The following ZNF451 variants were observed in gnomAD, a reference collection of about 807,000 sequenced individuals.
The protein encoded by ZNF451 is E3 SUMO-protein ligase ZNF451.
ZNF451 carries 80 observed loss-of-function variants against 107.1 expected under a neutral mutation model. The observed-to-expected ratio is 0.75, with a 90% confidence interval of 0.62 to 0.90. ZNF451 has a LOEUF of 0.90. ZNF451 is among the 40% of genes least tolerant of loss of function. The pLI is 0.00. For missense variants in ZNF451, 1,107 were observed against 1,236.2 expected, an observed-to-expected ratio of 0.90 and a Z score of 1.57; for synonymous variants, 362 against 406.5, an observed-to-expected ratio of 0.89 and a Z score of 1.32.
chr6:57,152,885 C>T (rs777655857), intron 12 of ZNF451, among the ~76,000 whole-genome samples: 10 of 152,130 alleles, frequency 6.6e-5, no homozygotes, highest in Non-Finnish European at 1.3e-4. Flanking sequence ...TGAGCCACTG[C>T]GCCCTGCTGA....
intron 7 of ZNF451, among the ~76,000 whole-genome samples, chr6:57,138,729 A>ATG (rs1168633668): frequency 5.1e-4 from 58 of 113,994 alleles, no homozygotes; most frequent in Non-Finnish European, 7.1e-4. Context: ...ATATATATAT[A>ATG]TATATATATA....
chr6:57,150,916 G>C (rs749467958), intron 11 of ZNF451, 54 bp downstream of exon 11: 1 of 1,603,486 alleles, frequency 6.2e-7, no homozygotes. Context: ...TTAGAATATA[G>C]TTCAGTTTAA....
chr6:57,156,235 A>G (rs945875948), intron 13 of ZNF451, among the ~76,000 whole-genome samples: 5 of 152,184 alleles, frequency 3.3e-5, no homozygotes, highest in African/African-American at 1.2e-4. Context: ...ATTTAAGACC[A>G]AATTTTTTCT....
At chr6:57,100,582 T>C (rs1829544640) in intron 3 of ZNF451, 1 of 1,463,084 alleles carries the variant, frequency 6.8e-7, no homozygotes, top group Admixed American at 2.9e-5. Flanking sequence ...CTTGGTTTTC[T>C]TGTTCATGTG....
rs746232960 is a variant in ZNF451, at chr6:57,147,238, G to A, written c.1153G>A (p.Gly385Arg). The A allele has an allele frequency of 6.2e-7, 1 of 1,613,990 alleles. No individual in the cohort carries two copies. The highest frequency in any genetic ancestry group is 8.5e-7 in the Non-Finnish European group (1 of 1,179,954). Reference protein sequence around the residue: ...TSTQNHKQNSGHKVRVINSVE... With the variant: ...TSTQNHKQNSRHKVRVINSVE... Reference sequence around the variant, plus strand: ...CACCCAAAATCATAAGCAGAATTCAGGACACAAAGTCCGAGTCATTAACTC... The same window carrying A: ...CACCCAAAATCATAAGCAGAATTCAAGACACAAAGTCCGAGTCATTAACTC... The change falls in exon 10 of 15, where the codon GGA becomes AGA. Residue 385 changes from glycine to arginine, a missense_variant. By Grantham distance (125) the Gly-to-Arg change is moderately radical. Around this residue, in one of 5 missense-constraint regions of ZNF451, gnomAD observed 608 missense variants for 649.2 expected, o/e 0.94. Transcript: ENST00000370706.
At chr6:57,129,977 A>C (rs1174444421) in intron 5 of ZNF451, among the ~76,000 whole-genome samples, 1 of 152,150 alleles carries the variant, frequency 6.6e-6, no homozygotes, top group Non-Finnish European at 1.5e-5. Flanking sequence ...CTGTGATCTC[A>C]ATACTTTATT....
At chr6:57,168,053 T>C (rs1282461350) in intron 14 of ZNF451, among the ~76,000 whole-genome samples, 1 of 152,152 alleles carries the variant, frequency 6.6e-6, no homozygotes, top group Non-Finnish European at 1.5e-5. Flanking sequence ...GGAGTTGCCT[T>C]TCTGTTTAAA....
chr6:57,113,305 A>G (rs1432556296), intron 3 of ZNF451, among the ~76,000 whole-genome samples: 1 of 150,076 alleles, frequency 6.7e-6, no homozygotes, highest in Non-Finnish European at 1.5e-5. Flanking sequence ...TGCAGAGGAC[A>G]TGATGTCATT....
At chr6:57,117,875 C>T (rs1830446123) in intron 3 of ZNF451, among the ~76,000 whole-genome samples, 1 of 152,076 alleles carries the variant, frequency 6.6e-6, no homozygotes, top group African/African-American at 2.4e-5. Flanking sequence ...ATAGTGGAAA[C>T]ATCAATTCAA....
Position 57,151,444 on chromosome 6 carries a change from C to T in ZNF451, c.2752+582C>T, listed in dbSNP as rs1184035449. On this transcript the variant is annotated intron_variant, in intron 11 of 14. Coordinates refer to ENST00000370706, the MANE Select transcript of ZNF451 (RefSeq NM_001031623.3). Reference sequence around the variant, plus strand: ...GATTGAAAAAGCCTTTATTCAACACCTAAAATGTGTCAGGTGCTTTGGCTT... The same window carrying T: ...GATTGAAAAAGCCTTTATTCAACACTTAAAATGTGTCAGGTGCTTTGGCTT... The T allele has an allele frequency of 1.5e-4, 23 of 150,944 alleles. No individual in the cohort carries two copies. The East Asian group carries it at 4.3e-3, about 28-fold the overall frequency. 9.4% of individuals were successfully genotyped at this position (150,944 alleles called of 1,614,324 possible).
chr6:57,159,470 C>G lies in ZNF451; in HGVS notation c.3071-1614C>G, dbSNP rs866860289. On this transcript the variant is annotated intron_variant, in intron 13 of 14. Transcript: ENST00000370706. ...CCCACGGGCCACATGTGGCCCAGTTCAGCTTTGAATGTAGCCCAACACAAA... is the reference window on the plus strand; with the variant it reads ...CCCACGGGCCACATGTGGCCCAGTTGAGCTTTGAATGTAGCCCAACACAAA... The G allele has an allele frequency of 7.4e-6, 6 of 806,184 alleles. No homozygotes were observed. In the African/African-American group the frequency reaches 9.4e-5, roughly 13 times the overall value. The allele number at this position is 806,184 out of a possible 1,614,324, so 49.9% of individuals were successfully genotyped here.
chr6:57,166,702 G>C (rs776426391), intron 14 of ZNF451, among the ~76,000 whole-genome samples: 1 of 152,080 alleles, frequency 6.6e-6, no homozygotes. Context: ...TAATTTTCAA[G>C]TGTTATGTAC....
In ZNF451 at chr6:57,105,139, A is replaced by G. The variant is rs1226136547; in HGVS notation, c.186+5998A>G. The G allele has an allele frequency of 1.0e-5, 10 of 985,410 alleles. No individual in the cohort carries two copies. In the African/African-American group the frequency reaches 1.2e-4, roughly 12 times the overall value. The allele number at this position is 985,410 out of a possible 1,614,324, so 61.0% of individuals were successfully genotyped here. A position where few individuals can be genotyped will look rare whatever the true frequency, so the allele number is the denominator to read the frequency against. ...AATAAATCCTCATATTATGCCTGCCATGTTCAGAACCTGCAACAAAATTCC... is the reference window on the plus strand; with the variant it reads ...AATAAATCCTCATATTATGCCTGCCGTGTTCAGAACCTGCAACAAAATTCC... On this transcript the variant is annotated intron_variant, in intron 3 of 14. Transcript: ENST00000370706.
chr6:57,096,767 C>CTTTTTTT (rs772840052), intron 2 of ZNF451, among the ~76,000 whole-genome samples: 11 of 79,952 alleles, frequency 1.4e-4, no homozygotes, highest in Non-Finnish European at 2.0e-4. Context: ...AATTTTCAGT[C>CTTTTTTT]TTTTTTTTTT....
intron 3 of ZNF451, among the ~76,000 whole-genome samples, chr6:57,120,505 A>G (rs902476763): frequency 2.0e-5 from 3 of 152,230 alleles, no homozygotes; most frequent in Non-Finnish European, 2.9e-5. Flanking sequence ...ACCATTTTGC[A>G]TTCCAACCAG....
chr6:57,115,536 A>G (rs1019380311), intron 3 of ZNF451: 2 of 152,228 alleles, frequency 1.3e-5, no homozygotes, highest in African/African-American at 4.8e-5. Context: ...CTAGGATACA[A>G]CCGAAATTTG....
At chr6:57,161,197 A>ATT in intron 14 of ZNF451, 45 bp downstream of exon 14, 8 of 1,136,756 alleles carry the variant, frequency 7.0e-6, no homozygotes, top group South Asian at 2.2e-5. Context: ...CTGTATCTGT[A>ATT]TTTTTTTTTT....
At chr6:57,099,582 G>C (rs534529243) in intron 3 of ZNF451, 489 of 708,746 alleles carry the variant, frequency 6.9e-4, no homozygotes, top group Admixed American at 1.8e-3. Context: ...AGTGGGGGAA[G>C]GGTTTATAGG....
At chr6:57,138,107 G>A (rs1234150720) in intron 7 of ZNF451, among the ~76,000 whole-genome samples, 1 of 152,104 alleles carries the variant, frequency 6.6e-6, no homozygotes, top group African/African-American at 2.4e-5. Flanking sequence ...TTCCTCTAAC[G>A]AGTTAAATTG....
Sources: gnomAD v4.1 joint callset for allele counts (sites outside exome capture counted in the v4.1 genomes callset) on GRCh38, gnomAD v4.1.1 for gene constraint, gnomAD v4.1.1 regional missense constraint, MANE v1.5 for transcripts, NCBI Gene and HGNC (gene_info 2026-07-23, HGNC 2026-07-21) for gene names.